Variants in LRRC37A2 observed in about 807,000 individuals in gnomAD.
The protein encoded by LRRC37A2 is leucine-rich repeat-containing protein 37A2.
Under a neutral mutation model 68.8 loss-of-function variants are expected in LRRC37A2, and 9 were observed. The observed-to-expected ratio is 0.13, with a 90% CI of 0.08 to 0.23. The LOEUF is 0.23. Among genes scored for constraint, LRRC37A2 ranks in the 10% least tolerant of loss-of-function variants. LRRC37A2 has a pLI of 1.00. For synonymous variants in LRRC37A2, 63 were observed against 367.6 expected, an observed-to-expected ratio of 0.17 and a Z score of 9.48; for missense variants, 168 against 950.4, an observed-to-expected ratio of 0.18 and a Z score of 10.82.
At chr17:46,800,202 C>T in the LRRC37A2 span, among the ~76,000 whole-genome samples, 1 of 152,148 alleles carries the variant, frequency 6.6e-6, no homozygotes, top group African/African-American at 2.4e-5. Flanking sequence ...CCTCCACCTC[C>T]CAGGTTCAAG....
the LRRC37A2 span, among the ~76,000 whole-genome samples, chr17:46,799,749 G>A: frequency 1.3e-5 from 2 of 152,094 alleles, no homozygotes; most frequent in African/African-American, 4.8e-5. Context: ...CGCCTAGCCA[G>A]TTTCTGTCTG....
the LRRC37A2 span, chr17:46,935,405 AG>A: frequency 7.0e-7 from 1 of 1,431,136 alleles, no homozygotes; most frequent in South Asian, 1.6e-5. Flanking sequence ...CTTAGGATCC[AG>A]GTCTTTTCCC....
At chr17:46,983,807 A>C in the LRRC37A2 span, among the ~76,000 whole-genome samples, 1 of 152,210 alleles carries the variant, frequency 6.6e-6, no homozygotes, top group African/African-American at 2.4e-5. Context: ...CTCTGGCTCA[A>C]GGTCTCTCAT....
At chr17:46,800,137 G>A in the LRRC37A2 span, among the ~76,000 whole-genome samples, 2 of 152,016 alleles carry the variant, frequency 1.3e-5, no homozygotes, top group Non-Finnish European at 2.9e-5. Context: ...TGGAGATGGA[G>A]TCTCACTGTG....
the LRRC37A2 span, chr17:46,751,653 C>T: frequency 2.9e-6 from 4 of 1,374,944 alleles, no homozygotes; most frequent in Non-Finnish European, 4.1e-6. Context: ...TCAGACAGAA[C>T]AAAGCTTCAG....
At chr17:46,999,165 T>A in the LRRC37A2 span, among the ~76,000 whole-genome samples, 106,482 of 152,118 alleles carry the variant, frequency 0.7, 37,893 homozygotes, top group Middle Eastern at 0.78. Context: ...TATAGAGCAG[T>A]AGCAAGGCCC....
the LRRC37A2 span, among the ~76,000 whole-genome samples, chr17:46,744,215 A>C: frequency 6.6e-6 from 1 of 152,218 alleles, no homozygotes; most frequent in Non-Finnish European, 1.5e-5. Flanking sequence ...ACCAAATCTC[A>C]TAATTCTATT....
chr17:47,008,757 C>T, the LRRC37A2 span, among the ~76,000 whole-genome samples: 4 of 151,954 alleles, frequency 2.6e-5, no homozygotes, highest in Non-Finnish European at 5.9e-5. Context: ...GGATTATAGG[C>T]GTGAGCCACT....
the LRRC37A2 span, among the ~76,000 whole-genome samples, chr17:46,800,975 G>C: frequency 6.6e-6 from 1 of 152,206 alleles, no homozygotes; most frequent in Admixed American, 6.5e-5. Flanking sequence ...AGGTGTGCAC[G>C]AGAACAACGC....
the LRRC37A2 span, among the ~76,000 whole-genome samples, chr17:46,839,002 T>C: frequency 3.9e-5 from 6 of 152,030 alleles, no homozygotes; most frequent in Admixed American, 3.9e-4. Flanking sequence ...CTCAGCCTCC[T>C]GAATAGCTGG....
At chr17:46,732,783 CAGG>C in the LRRC37A2 span, among the ~76,000 whole-genome samples, 3 of 152,224 alleles carry the variant, frequency 2.0e-5, no homozygotes, top group South Asian at 2.1e-4. Context: ...CTGTGTTCTG[CAGG>C]AGAAGAGATC....
At chr17:46,704,615 A>G in the LRRC37A2 span, 2 of 799,510 alleles carry the variant, frequency 2.5e-6, no homozygotes, top group Non-Finnish European at 3.8e-6. Flanking sequence ...CCCTTATCAC[A>G]TATATGGTTT....
the LRRC37A2 span, among the ~76,000 whole-genome samples, chr17:46,792,941 G>A: frequency 6.6e-6 from 1 of 151,964 alleles, no homozygotes; most frequent in African/African-American, 2.4e-5. Flanking sequence ...AAGTCACATA[G>A]CTAGGAAATG....
the LRRC37A2 span, among the ~76,000 whole-genome samples, chr17:47,043,330 ACAT>A: frequency 6.6e-6 from 1 of 151,906 alleles, no homozygotes; most frequent in Non-Finnish European, 1.5e-5. Flanking sequence ...TACATTTCAG[ACAT>A]CATGCCAGGC....
the LRRC37A2 span, among the ~76,000 whole-genome samples, chr17:47,048,379 A>G: frequency 3.0e-4 from 46 of 150,960 alleles, no homozygotes; most frequent in African/African-American, 9.9e-4. Flanking sequence ...TTAGAGATGA[A>G]ATGAAAGCAA....
chr17:46,834,857 A>G, the LRRC37A2 span, among the ~76,000 whole-genome samples: 2 of 152,182 alleles, frequency 1.3e-5, no homozygotes, highest in Non-Finnish European at 2.9e-5. Flanking sequence ...TTCAGGGAAG[A>G]GTCTCTGGAG....
At chr17:46,838,738 A>G in the LRRC37A2 span, among the ~76,000 whole-genome samples, 1 of 152,212 alleles carries the variant, frequency 6.6e-6, no homozygotes, top group Non-Finnish European at 1.5e-5. Flanking sequence ...TTTAATAAGC[A>G]TATATCAGCC....
chr17:47,024,713 C>G, the LRRC37A2 span: 55 of 888,182 alleles, frequency 6.2e-5, no homozygotes, highest in Admixed American at 9.2e-4. Context: ...CTGAATTACA[C>G]AAGGATTCAT....
chr17:46,859,921 C>A, the LRRC37A2 span, among the ~76,000 whole-genome samples: 1 of 152,270 alleles, frequency 6.6e-6, no homozygotes, highest in East Asian at 1.9e-4. Context: ...AAAAGAAATT[C>A]TTCCAATGTG....
Sources: gnomAD v4.1 joint callset for allele counts (sites outside exome capture counted in the v4.1 genomes callset) on GRCh38, gnomAD v4.1.1 for gene constraint, MANE v1.5 for transcripts, NCBI Gene and HGNC (gene_info 2026-07-23, HGNC 2026-07-21) for gene names.